Variants in ZNF681 observed in about 807,000 individuals in gnomAD.
ZNF681 encodes hypothetical protein FLJ31526.
ZNF681 carries 37 observed loss-of-function variants against 56.0 expected under a neutral mutation model. That is an observed-to-expected ratio of 0.66 (90% CI 0.51 to 0.87). The LOEUF is 0.87. Among genes scored for constraint, ZNF681 ranks in the 40% least tolerant of loss-of-function variants. ZNF681 has a pLI of 0.00. For synonymous variants in ZNF681, 225 were observed against 248.6 expected, an observed-to-expected ratio of 0.91 and a Z score of 0.89; for missense variants, 741 against 744.9, an observed-to-expected ratio of 0.99 and a Z score of 0.06.
At chr19:23,753,695 T>C (rs1969070124) in intron 3 of ZNF681, among the ~76,000 whole-genome samples, 1 of 151,840 alleles carries the variant, frequency 6.6e-6, no homozygotes. Flanking sequence ...ACTCTGTCTC[T>C]ACTAAAAATA....
rs1700393924 is a variant in ZNF681, at chr19:23,742,208, T to C, written c.*1404A>G. The C allele has an allele frequency of 6.6e-6, 1 of 152,132 alleles. No homozygotes were observed. The allele number at this position is 152,132 out of a possible 1,614,324, so 9.4% of individuals were successfully genotyped here. On this transcript the variant is annotated 3_prime_UTR_variant, in exon 4 of 4. Transcript: ENST00000402377. ...TACATTTTATTACATAAAAGTACAA[T>C]TGGCCAGGCATGGTGACTCGCGCCT...
At chr19:23,747,110 AAAC>A (rs1212261858) in intron 3 of ZNF681, among the ~76,000 whole-genome samples, 7 of 152,290 alleles carry the variant, frequency 4.6e-5, no homozygotes, top group South Asian at 2.1e-4. Context: ...TCCTGTCTCA[AAAC>A]AACAACAACA....
chr19:23,745,228 G>A lies in ZNF681; in HGVS notation c.322C>T (p.His108Tyr). ...CTTTTACTTAACTGTAAATTCTCATGTTCACATTTTCCATATCTTCTTGGT... is the reference window on the plus strand; with the variant it reads ...CTTTTACTTAACTGTAAATTCTCATATTCACATTTTCCATATCTTCTTGGT... ...VTPRRYGKCEHENLQLSKSVD... is the reference protein window; with the variant it reads ...VTPRRYGKCEYENLQLSKSVD... The change falls in exon 4 of 4, where the codon CAT (histidine) becomes TAT (tyrosine). Residue 108 changes from histidine to tyrosine, a missense_variant. Coordinates refer to ENST00000402377, the MANE Select transcript of ZNF681 (RefSeq NM_138286.3). 1.2e-6 allele frequency: 2 copies of A among 1,610,532 alleles called. No individual in the cohort carries two copies. Among genetic ancestry groups the A allele is most frequent in the Non-Finnish European group, 8.5e-7 (1 of 1,178,848 alleles).
intron 3 of ZNF681, 93 bp from the exon 4 acceptor site, chr19:23,745,416 G>T: frequency 2.0e-6 from 2 of 1,001,388 alleles, no homozygotes; most frequent in Admixed American, 3.8e-5. Flanking sequence ...AATTACATAA[G>T]CAAGATGGTA....
rs1206960547 is a variant in ZNF681 at position 23,755,784 on chromosome 19, T to C, written c.4-233A>G. Among the ~76,000 whole-genome samples, 3 of 152,182 alleles carry C rather than the reference T, an allele frequency of 2.0e-5. No homozygotes were observed. The East Asian group carries it at 5.8e-4, about 29-fold the overall frequency. ...TGAGAAAAGAAAGCGGCATTAGATC[T>C]ATAACACCAGACCTAAATAAATCGC... On this transcript the variant is annotated intron_variant, in intron 1 of 3. Coordinates refer to ENST00000402377, the MANE Select transcript of ZNF681 (RefSeq NM_138286.3).
intron 3 of ZNF681, among the ~76,000 whole-genome samples, chr19:23,753,408 T>A (rs1172456986): frequency 6.6e-6 from 1 of 152,286 alleles, no homozygotes; most frequent in Non-Finnish European, 1.5e-5. Flanking sequence ...CAAAAAAAAA[T>A]CTTATTTACA....
rs372700821 is a variant in ZNF681 at position 23,744,240 on chromosome 19, A to C, written c.1310T>G (p.Leu437Arg). ...CGKASNQSSN[L>R]TEHKNIHTEE... ...AGTATGAATATTCTTATGTTCAGTA[A>C]GGTTTGAGGATTGGTTAGAAGCTTT... The change falls in exon 4 of 4, where the codon CTT (leucine) becomes CGT (arginine). Residue 437 changes from leucine (L) to arginine (R), a missense_variant. Physicochemically the swap from Leu to Arg is moderately radical, Grantham distance 102. Transcript: ENST00000402377. 2.5e-6 allele frequency: 4 copies of C among 1,613,446 alleles called. No homozygotes were observed. In the African/African-American group the frequency reaches 5.3e-5, roughly 22 times the overall value.
intron 3 of ZNF681, among the ~76,000 whole-genome samples, chr19:23,748,269 A>G (rs1968974820): frequency 6.6e-6 from 1 of 152,190 alleles, no homozygotes; most frequent in African/African-American, 2.4e-5. Flanking sequence ...CCCGAGGGTC[A>G]TGACCAACTC....
chr19:23,745,989 C>T (rs1968939285), intron 3 of ZNF681, among the ~76,000 whole-genome samples: 1 of 151,956 alleles, frequency 6.6e-6, no homozygotes, highest in Admixed American at 6.6e-5. Flanking sequence ...GTTTTGCATA[C>T]AGCAGCACAC....
Position 23,758,840 on chromosome 19 carries a change from A to C in ZNF681, c.-91T>G, listed in dbSNP as rs1599464277. 1 of 1,579,120 alleles carries C rather than the reference A, an allele frequency of 6.3e-7. No individual in the cohort carries two copies. Among genetic ancestry groups the C allele is most frequent in the East Asian group, 2.2e-5 (1 of 44,674 alleles). ...ATAGAGGCTGGGCCTCTAGAAGAAG[A>C]GGACACAGAGCAGTGAAGACGAGAC... is the stretch of plus-strand genomic sequence containing the variant. On this transcript the variant is annotated 5_prime_UTR_variant, in exon 1 of 4. Transcript: ENST00000402377.
chr19:23,756,842 TAGAA>T (rs1389046155), intron 1 of ZNF681, among the ~76,000 whole-genome samples: 1 of 151,944 alleles, frequency 6.6e-6, no homozygotes, highest in Non-Finnish European at 1.5e-5. Flanking sequence ...AGACTATACT[TAGAA>T]ATAAATGATA....
intron 3 of ZNF681, among the ~76,000 whole-genome samples, chr19:23,754,336 C>T (rs986970829): frequency 6.6e-6 from 1 of 152,098 alleles, no homozygotes; most frequent in South Asian, 2.1e-4. Context: ...AACTTAAAAG[C>T]GTAAGACAGA....
chr19:23,752,846 T>C (rs1969053150), intron 3 of ZNF681, among the ~76,000 whole-genome samples: 1 of 152,156 alleles, frequency 6.6e-6, no homozygotes, highest in African/African-American at 2.4e-5. Flanking sequence ...TTGCCTATCG[T>C]CAATGCTTCT....
In ZNF681 at chr19:23,742,724, C is replaced by T. The variant is rs1176599163; in HGVS notation, c.*888G>A. The T allele has an allele frequency of 2.4e-5, 1 of 42,008 alleles. No individual in the cohort carries two copies. Among genetic ancestry groups the T allele is most frequent in the Non-Finnish European group, 4.8e-5 (1 of 20,730 alleles). 2.6% of individuals were successfully genotyped at this position (42,008 alleles called of 1,614,324 possible). On this transcript the variant is annotated 3_prime_UTR_variant, in exon 4 of 4. Coordinates refer to ENST00000402377, the MANE Select transcript of ZNF681 (RefSeq NM_138286.3). Reference sequence around the variant, plus strand: ...CACCTAATAACAAAGAATCTCTCATCTTTGATGCAGCAACAATTAAGTCAC... The same window carrying T: ...CACCTAATAACAAAGAATCTCTCATTTTTGATGCAGCAACAATTAAGTCAC...
intron 1 of ZNF681, 67 bp from the exon 2 acceptor site, chr19:23,755,618 C>A: frequency 4.4e-6 from 6 of 1,360,410 alleles, no homozygotes; most frequent in South Asian, 4.0e-5. Flanking sequence ...TAGAAAGTGG[C>A]CATGGAAAGA....
intron 1 of ZNF681, among the ~76,000 whole-genome samples, chr19:23,757,209 G>C (rs761389231): frequency 5.9e-5 from 9 of 152,048 alleles, no homozygotes; most frequent in African/African-American, 7.2e-5. Context: ...CAAGCTAAAA[G>C]TGCTGAGATA....
At position 23,747,501 on chromosome 19, in the gene ZNF681, G is replaced by A. The variant is rs551112858; in HGVS notation, c.227-2178C>T. ...AAAAATACAAAAAAATTAGCCGGGC[G>A]TGGTGGCGGGCACCTGTAGTCCCAG... On this transcript the variant is annotated intron_variant, in intron 3 of 3. Transcript: ENST00000402377. Among the ~76,000 whole-genome samples, 36 of 151,848 alleles carry A rather than the reference G, an allele frequency of 2.4e-4. 1 individual carries two copies. Among genetic ancestry groups the A allele is most frequent in the African/African-American group, 6.5e-4 (27 of 41,422 alleles).
rs770922674 is a variant in ZNF681 at position 23,755,375 on chromosome 19, A to G, written c.130+50T>C. The G allele has an allele frequency of 2.6e-6, 4 of 1,551,440 alleles. No homozygotes were observed. The South Asian group carries it at 5.0e-5, about 19-fold the overall frequency. On this transcript the variant is annotated intron_variant, in intron 2 of 3. Transcript: ENST00000402377. ...CTAAAAACATTATACAAAAAAGAAA[A>G]ATGAAACCTTTAGGGTATAATAGGA...
At chr19:23,745,390 C>G in intron 3 of ZNF681, 67 bp from the exon 4 acceptor site, 1 of 1,265,986 alleles carries the variant, frequency 7.9e-7, no homozygotes. Context: ...ACAAATCCAA[C>G]CTATACAATT....
Sources: gnomAD v4.1 joint callset for allele counts (sites outside exome capture counted in the v4.1 genomes callset) on GRCh38, gnomAD v4.1.1 for gene constraint, MANE v1.5 for transcripts, NCBI Gene and HGNC (gene_info 2026-07-23, HGNC 2026-07-21) for gene names.